The following FRMD4A variants were observed in gnomAD, a reference collection of about 807,000 sequenced individuals.
FRMD4A encodes the protein FERM domain containing 4A, also known as FERM domain-containing protein 4A.
FRMD4A carries 29 observed loss-of-function variants against 129.1 expected under a neutral mutation model. That is an observed-to-expected ratio of 0.22 (90% CI 0.17 to 0.31). The LOEUF (loss-of-function observed/expected upper bound fraction) is 0.31. FRMD4A is among the 10% of genes least tolerant of loss of function. The pLI, the probability that FRMD4A is intolerant of heterozygous loss-of-function variation, is 1.00. For missense variants in FRMD4A, 1,272 were observed against 1,375.8 expected (o/e 0.92, Z 1.19); for synonymous variants, 634 against 571.6 (o/e 1.11, Z -1.56).
chr10:14,113,058 C>A (rs1038179801), intron 2 of FRMD4A, among the ~76,000 whole-genome samples: 1 of 152,178 alleles, frequency 6.6e-6, no homozygotes, highest in Non-Finnish European at 1.5e-5. Context: ...GAATCCCCTA[C>A]AGAGTTGTAT....
chr10:14,119,994 GC>G (rs1329805607), intron 2 of FRMD4A, among the ~76,000 whole-genome samples: 4 of 133,748 alleles, frequency 3.0e-5, no homozygotes, highest in Non-Finnish European at 4.6e-5. Flanking sequence ...AATGTCATCT[GC>G]TTTTTTTTTT....
chr10:13,860,514 G>A (rs1260354408), intron 2 of FRMD4A, among the ~76,000 whole-genome samples: 1 of 152,138 alleles, frequency 6.6e-6, no homozygotes, highest in African/African-American at 2.4e-5. Context: ...AAATCCTTTA[G>A]AGAACTCAAT....
chr10:14,230,707 G>T (rs1380234646), intron 2 of FRMD4A, among the ~76,000 whole-genome samples: 1 of 152,122 alleles, frequency 6.6e-6, no homozygotes, highest in African/African-American at 2.4e-5. Context: ...GTTTGGGTTT[G>T]GAGTACAGAC....
intron 15 of FRMD4A, among the ~76,000 whole-genome samples, chr10:13,686,722 C>T (rs1042102944): frequency 6.6e-6 from 1 of 152,196 alleles, no homozygotes; most frequent in African/African-American, 2.4e-5. Context: ...AGTAATCACA[C>T]AGCCAAATTC....
chr10:14,281,362 G>T (rs865861117), intron 2 of FRMD4A, among the ~76,000 whole-genome samples: 9 of 152,310 alleles, frequency 5.9e-5, no homozygotes, highest in Middle Eastern at 3.4e-3. Context: ...AAGACACAGG[G>T]AAGACAGCCA....
Position 13,804,095 on chromosome 10 carries a change from T to C in FRMD4A, c.206+6719A>G, listed in dbSNP as rs1436698434. On this transcript the variant is annotated intron_variant, in intron 4 of 24. Transcript: ENST00000357447. ...AGGTACTGTTGTATGTTTGCCGTTG[T>C]TTCCGACAACACAGCATGGGTCGTC... 1.3e-5 allele frequency among the ~76,000 whole-genome samples: 2 copies of C among 152,256 alleles called. 1 individual carries two copies. Among genetic ancestry groups the C allele is most frequent in the South Asian group, 4.1e-4 (2 of 4,826 alleles).
chr10:13,764,921 G>A (rs1176883269), intron 6 of FRMD4A, among the ~76,000 whole-genome samples: 3 of 152,174 alleles, frequency 2.0e-5, no homozygotes, highest in South Asian at 2.1e-4. Flanking sequence ...TTAAGGGGCC[G>A]GGAACAGACC....
At position 14,010,614 on chromosome 10, in the gene FRMD4A, C is replaced by A. The variant is rs555711806; in HGVS notation, c.46-151702G>T. ...CAAAAATATCTTTCTGATTGTCTTG[C>A]CATGGGTGTCGGAGACTTACATATT... On this transcript the variant is annotated intron_variant, in intron 2 of 24. Coordinates refer to ENST00000357447, the MANE Select transcript of FRMD4A (RefSeq NM_018027.5). Among the ~76,000 whole-genome samples the A allele has an allele frequency of 1.5e-3, 220 of 148,572 alleles. 3 individuals carry two copies. The highest frequency in any genetic ancestry group is 1.2e-3 in the Non-Finnish European group (81 of 67,480).
At chr10:13,891,574 G>GC in intron 2 of FRMD4A, 1 of 983,674 alleles carries the variant, frequency 1.0e-6, no homozygotes, top group Non-Finnish European at 1.2e-6. Flanking sequence ...GCGAAGGGCT[G>GC]CCGTCAGTCG....
At chr10:13,842,726 GC>G (rs2093985952) in intron 3 of FRMD4A, among the ~76,000 whole-genome samples, 1 of 152,086 alleles carries the variant, frequency 6.6e-6, no homozygotes, top group African/African-American at 2.4e-5. Context: ...TTTCAATAAA[GC>G]TAAATGTGTC....
intron 2 of FRMD4A, among the ~76,000 whole-genome samples, chr10:14,223,555 A>G (rs1564398302): frequency 1.3e-5 from 2 of 152,160 alleles, no homozygotes; most frequent in Non-Finnish European, 2.9e-5. Flanking sequence ...AGCCTGGACA[A>G]CATAGGGAAA....
chr10:13,701,301 G>A (rs2086809739), intron 14 of FRMD4A, 39 bp downstream of exon 14: 6 of 1,591,342 alleles, frequency 3.8e-6, no homozygotes, highest in Middle Eastern at 1.7e-4. Flanking sequence ...AAGAGAGGCA[G>A]ACAATGGCCC....
chr10:13,928,526 AG>A (rs2095159959), intron 2 of FRMD4A, among the ~76,000 whole-genome samples: 1 of 152,204 alleles, frequency 6.6e-6, no homozygotes, highest in South Asian at 2.1e-4. Flanking sequence ...GGGATTAAAA[AG>A]ATAAAGACCC....
At chr10:14,182,433 G>A (rs1051506680) in intron 2 of FRMD4A, among the ~76,000 whole-genome samples, 6 of 152,216 alleles carry the variant, frequency 3.9e-5, no homozygotes, top group African/African-American at 1.4e-4. Context: ...TATAGTTTCA[G>A]CTACTTGGAG....
intron 2 of FRMD4A, among the ~76,000 whole-genome samples, chr10:14,095,664 C>T (rs72776675): frequency 0.16 from 24,107 of 152,252 alleles, 1,894 homozygotes; most frequent in East Asian, 0.18. Flanking sequence ...CTCTCCAGCA[C>T]GCTGGATCGA....
At chr10:14,287,607 T>G (rs991243495) in intron 2 of FRMD4A, among the ~76,000 whole-genome samples, 2 of 152,214 alleles carry the variant, frequency 1.3e-5, no homozygotes, top group African/African-American at 4.8e-5. Flanking sequence ...ATTGTACTGA[T>G]AGTCACCAGC....
At chr10:14,250,431 A>G (rs1181095480) in intron 2 of FRMD4A, among the ~76,000 whole-genome samples, 1 of 152,236 alleles carries the variant, frequency 6.6e-6, no homozygotes, top group Non-Finnish European at 1.5e-5. Context: ...TACTTTTTAC[A>G]AAGGTGTTGC....
intron 2 of FRMD4A, among the ~76,000 whole-genome samples, chr10:13,964,970 C>T (rs1348109261): frequency 1.3e-5 from 2 of 152,078 alleles, no homozygotes; most frequent in Non-Finnish European, 1.5e-5. Flanking sequence ...AGGCGTGAGC[C>T]ACTGCGCCTG....
At chr10:13,740,080 C>G in intron 11 of FRMD4A, 114 bp downstream of exon 11, 1 of 731,140 alleles carries the variant, frequency 1.4e-6, no homozygotes, top group Non-Finnish European at 2.4e-6. Flanking sequence ...GCCTGGGAGA[C>G]AAAGCAAGAC....
Sources: gnomAD v4.1 joint callset for allele counts (sites outside exome capture counted in the v4.1 genomes callset) on GRCh38, gnomAD v4.1.1 for gene constraint, MANE v1.5 for transcripts, NCBI Gene and HGNC (gene_info 2026-07-23, HGNC 2026-07-21) for gene names.